Variants in MTM1 observed in about 807,000 individuals in gnomAD.
MTM1 encodes the protein myotubularin.
In MTM1, 9 loss-of-function variants were observed where a neutral mutation model predicts 52.1. The observed-to-expected ratio is 0.17, with a 90% CI of 0.10 to 0.30. The LOEUF (loss-of-function observed/expected upper bound fraction) is 0.30, where lower values mean the gene tolerates loss of function less well. Among genes scored for constraint, MTM1 ranks in the 10% least tolerant of loss-of-function variants. MTM1 has a pLI of 1.00. For missense variants in MTM1, 277 were observed against 470.7 expected, an observed-to-expected ratio of 0.59 and a Z score of 3.81; for synonymous variants, 136 against 163.8, an observed-to-expected ratio of 0.83 and a Z score of 1.29.
chrX:150,611,854 C>G (rs921176570), intron 4 of MTM1, among the ~76,000 whole-genome samples: 4 of 112,017 alleles, frequency 3.6e-5, no homozygotes, highest in South Asian at 3.7e-4. Flanking sequence ...TTTGTCATTT[C>G]AAGCACATTA....
chrX:150,583,512 AT>A (rs1183229003), intron 1 of MTM1, among the ~76,000 whole-genome samples: 16 of 32,245 alleles, frequency 5.0e-4, no homozygotes, highest in African/African-American at 1.8e-3. Flanking sequence ...AATATATATA[AT>A]TTATATATAT....
chrX:150,616,151 G>A (rs1190024466), intron 5 of MTM1, among the ~76,000 whole-genome samples: 3 of 111,469 alleles, frequency 2.7e-5, no homozygotes, highest in African/African-American at 6.5e-5. Flanking sequence ...ATGAGACAAA[G>A]CACATTTTCA....
Position 150,596,573 on chromosome X carries a change from A to G in MTM1, c.136+3A>G, listed in dbSNP as rs782333698. On this transcript the variant is annotated splice_donor_region_variant and intron_variant, in intron 3 of 14. Coordinates refer to ENST00000370396, the MANE Select transcript of MTM1 (RefSeq NM_000252.3). ...TCCAGGAGAAACACTAATCACTGGT[A>G]AGGACCTGCTGACATAAGATTTGCA... The G allele has an allele frequency of 8.3e-7, 1 of 1,200,651 alleles. No homozygotes were observed. The highest frequency in any genetic ancestry group is 1.1e-6 in the Non-Finnish European group (1 of 885,802).
chrX:150,563,898 C>CA (rs111593339), upstream of MTM1, among the ~76,000 whole-genome samples: 1,028 of 110,581 alleles, frequency 9.3e-3, 14 homozygotes, highest in African/African-American at 0.032. Context: ...AACAAACAAA[C>CA]AAAAAAAACA....
chrX:150,621,229 C>T (rs1248374470), intron 6 of MTM1, among the ~76,000 whole-genome samples: 2 of 110,079 alleles, frequency 1.8e-5, no homozygotes, highest in Non-Finnish European at 1.9e-5. Flanking sequence ...GTTTGAGGAT[C>T]CCCAGTTGTT....
chrX:150,569,140 G>A (rs2038317640), intron 1 of MTM1, among the ~76,000 whole-genome samples: 1 of 113,613 alleles, frequency 8.8e-6, no homozygotes, highest in Non-Finnish European at 1.9e-5. Flanking sequence ...GCCGCAGCCC[G>A]GCACTGGCCG....
At chrX:150,584,456 A>G (rs2038745461) in intron 1 of MTM1, among the ~76,000 whole-genome samples, 1 of 111,355 alleles carries the variant, frequency 9.0e-6, no homozygotes, top group Non-Finnish European at 1.9e-5. Context: ...AATCAGCCCT[A>G]GGGAGGTAGG....
intron 8 of MTM1, among the ~76,000 whole-genome samples, chrX:150,642,899 T>G (rs2039872442): frequency 8.9e-6 from 1 of 112,173 alleles, no homozygotes; most frequent in Non-Finnish European, 1.9e-5. Context: ...GAGTGTCTAC[T>G]GTAGAGCAGA....
intron 10 of MTM1, among the ~76,000 whole-genome samples, chrX:150,652,656 TATACAC>T (rs1278160508): frequency 2.6e-3 from 115 of 44,146 alleles, no homozygotes; most frequent in South Asian, 0.021. Context: ...TGTATATATA[TATACAC>T]ACACACACAC....
At chrX:150,597,632 A>T (rs990199168) in intron 3 of MTM1, among the ~76,000 whole-genome samples, 5 of 111,631 alleles carry the variant, frequency 4.5e-5, no homozygotes, top group Admixed American at 2.9e-4. Context: ...ACATTCAAGG[A>T]CATCCCTGAA....
At position 150,583,412 on chromosome X, in the gene MTM1, T is replaced by TA. The variant is rs1190598537; in HGVS notation, c.-10-9192dup. 4.8e-5 allele frequency among the ~76,000 whole-genome samples: 2 copies of TA among 41,551 alleles called. 1 individual carries two copies. Among genetic ancestry groups the TA allele is most frequent in the Non-Finnish European group, 7.4e-5 (2 of 26,878 alleles). 36.1% of individuals were successfully genotyped at this position (41,551 alleles called of 115,157 possible). On this transcript the variant is annotated intron_variant, in intron 1 of 14. Transcript: ENST00000370396. ...TAATATATATAAATTATATATATTA[T>TA]ATTATATATAATTATAAATATATAA...
chrX:150,610,252 A>T (rs1307874246), intron 4 of MTM1, among the ~76,000 whole-genome samples: 1 of 110,995 alleles, frequency 9.0e-6, no homozygotes, highest in Non-Finnish European at 1.9e-5. Context: ...GGCACTAGCA[A>T]CCTGGCATTG....
chrX:150,596,764 G>A (rs2038984091), intron 3 of MTM1, 194 bp downstream of exon 3: 3 of 404,207 alleles, frequency 7.4e-6, no homozygotes, highest in South Asian at 3.6e-5. Flanking sequence ...GCTCACAAGG[G>A]TAGTGATATT....
At position 150,671,301 on chromosome X, in the gene MTM1, T is replaced by G; in HGVS notation, c.1645-127T>G. ...AATGAGGCAGTAGTTAAGGAAAGTA[T>G]GTATTATGGTAAACTTTGAGTAAAG... On this transcript the variant is annotated intron_variant, in intron 14 of 14. Transcript: ENST00000370396. 1.2e-5 allele frequency: 9 copies of G among 737,796 alleles called. No individual in the cohort carries two copies. In the South Asian group the frequency reaches 2.0e-4, roughly 17 times the overall value. 60.8% of individuals were successfully genotyped at this position (737,796 alleles called of 1,213,427 possible).
chrX:150,583,610 TTA>T lies in MTM1; in HGVS notation c.-10-8987_-10-8986del, dbSNP rs1407140965. Among the ~76,000 whole-genome samples, 21 of 33,794 alleles carry T rather than the reference TTA, an allele frequency of 6.2e-4. 3 individuals are homozygous for T. The highest frequency in any genetic ancestry group is 8.0e-4 in the Non-Finnish European group (18 of 22,494). The allele number at this position is 33,794 out of a possible 115,157, so 29.3% of individuals were successfully genotyped here. On this transcript the variant is annotated intron_variant, in intron 1 of 14. Coordinates refer to ENST00000370396, the MANE Select transcript of MTM1 (RefSeq NM_000252.3). ...ATATAATTTATATATAATATATAAT[TTA>T]TATATATTATATATAATTTATATAT... is the stretch of plus-strand genomic sequence containing the variant.
intron 14 of MTM1, 43 bp from the exon 15 acceptor site, chrX:150,671,385 G>A (rs1215590284): frequency 8.3e-7 from 1 of 1,202,570 alleles, no homozygotes; most frequent in African/African-American, 1.7e-5. Context: ...TTCTCATGAC[G>A]TGCGTGGCAT....
At chrX:150,564,387 T>A (rs904694493), upstream of MTM1, among the ~76,000 whole-genome samples, 5 of 111,199 alleles carry the variant, frequency 4.5e-5, no homozygotes, top group Non-Finnish European at 7.5e-5. Flanking sequence ...TTTTTTATTA[T>A]TATTATTATT....
intron 4 of MTM1, among the ~76,000 whole-genome samples, chrX:150,606,213 T>C (rs1390644623): frequency 9.0e-6 from 1 of 111,090 alleles, no homozygotes; most frequent in African/African-American, 3.3e-5. Flanking sequence ...CTTCCAGTCT[T>C]AAATCATCTT....
rs202093825 is a variant in MTM1 at position 150,663,641 on chromosome X, A to G, written c.1644+32A>G. ...GAAGTAGCACTGTTAAAAGATAGCA[A>G]TGTCAACTGCTTGCCTTAGATAATG... is the stretch of plus-strand genomic sequence containing the variant. On this transcript the variant is annotated intron_variant, in intron 14 of 14. Coordinates refer to ENST00000370396, the MANE Select transcript of MTM1 (RefSeq NM_000252.3). 295 of 1,131,800 alleles carry G rather than the reference A, an allele frequency of 2.6e-4. 1 individual carries two copies. The highest frequency in any genetic ancestry group is 3.3e-4 in the Non-Finnish European group (268 of 824,201). 93.3% of individuals were successfully genotyped at this position (1,131,800 alleles called of 1,213,427 possible). A position where few individuals can be genotyped will look rare whatever the true frequency, so the allele number is the denominator to read the frequency against.
Sources: gnomAD v4.1 joint callset for allele counts (sites outside exome capture counted in the v4.1 genomes callset) on GRCh38, gnomAD v4.1.1 for gene constraint, MANE v1.5 for transcripts, NCBI Gene and HGNC (gene_info 2026-07-23, HGNC 2026-07-21) for gene names.